HNF1B: variants seen among roughly 807,000 people sequenced by gnomAD.
HNF1B encodes HNF1 homeobox B.
HNF1B carries 8 observed loss-of-function variants against 61.7 expected under a neutral mutation model. The ratio of observed to expected loss-of-function variants is 0.13; its 90% CI spans 0.08 to 0.23. HNF1B has a LOEUF of 0.23. HNF1B is among the 10% of genes least tolerant of loss of function. HNF1B has a pLI of 1.00. For synonymous variants in HNF1B, 314 were observed against 287.7 expected, an observed-to-expected ratio of 1.09 and a Z score of -0.93; for missense variants, 562 against 714.5, an observed-to-expected ratio of 0.79 and a Z score of 2.43.
At chr17:37,724,354 T>C (rs998688422) in intron 4 of HNF1B, among the ~76,000 whole-genome samples, 2 of 152,152 alleles carry the variant, frequency 1.3e-5, no homozygotes, top group East Asian at 1.9e-4. Flanking sequence ...ACTACTGATA[T>C]GTAGTCCCAC....
chr17:37,695,403 G>A (rs1407665863), intron 8 of HNF1B, among the ~76,000 whole-genome samples: 1 of 152,272 alleles, frequency 6.6e-6, no homozygotes, highest in African/African-American at 2.4e-5. Context: ...GAAGCTTGCT[G>A]CAGGGGCAGA....
rs1384611067 is a variant in HNF1B at position 37,744,670 on chromosome 17, C to T, written c.215G>A (p.Gly72Asp). 1.2e-6 allele frequency: 2 copies of T among 1,613,408 alleles called. No homozygotes were observed. Among genetic ancestry groups the T allele is most frequent in the East Asian group, 4.5e-5 (2 of 44,882 alleles). ...FHTLTNGHAKGRLSGDEGSED... is the reference protein window; with the variant it reads ...FHTLTNGHAKDRLSGDEGSED... ...GGAGCCCTCGTCGCCGGACAAGCGG[C>T]CCTTGGCGTGGCCGTTGGTGAGAGT... is the stretch of plus-strand genomic sequence containing the variant. The change falls in exon 1 of 9, where the codon GGC (glycine) becomes GAC (aspartate). Residue 72 changes from glycine (G) to aspartate (D), a missense_variant. Transcript: ENST00000617811.
At chr17:37,723,332 G>A (rs538499167) in intron 4 of HNF1B, among the ~76,000 whole-genome samples, 5 of 151,706 alleles carry the variant, frequency 3.3e-5, no homozygotes, top group Non-Finnish European at 7.4e-5. Context: ...GGGAGATAGC[G>A]AGACTCTGTC....
chr17:37,722,976 TG>T (rs1216630411), intron 4 of HNF1B, among the ~76,000 whole-genome samples: 1 of 152,048 alleles, frequency 6.6e-6, no homozygotes, highest in Admixed American at 6.5e-5. Context: ...CCCCTCTACC[TG>T]GCAGGTTCCC....
At chr17:37,743,973 G>C (rs1263892808) in intron 1 of HNF1B, among the ~76,000 whole-genome samples, 1 of 152,218 alleles carries the variant, frequency 6.6e-6, no homozygotes, top group Admixed American at 6.5e-5. Context: ...GGATAATTCC[G>C]GGCCTTGCAT....
chr17:37,689,334 T>C (rs1042350506), intron 8 of HNF1B, among the ~76,000 whole-genome samples: 3 of 151,978 alleles, frequency 2.0e-5, no homozygotes, highest in Non-Finnish European at 2.9e-5. Context: ...CTTTTTCCAA[T>C]TTTCAGATTT....
chr17:37,735,692 C>G (rs1380449878), intron 2 of HNF1B, among the ~76,000 whole-genome samples: 1 of 152,186 alleles, frequency 6.6e-6, no homozygotes, highest in East Asian at 1.9e-4. Context: ...GGGACACTAA[C>G]TAGTCTTTTA....
At chr17:37,715,248 T>C (rs188458906) in intron 4 of HNF1B, among the ~76,000 whole-genome samples, 254 of 152,250 alleles carry the variant, frequency 1.7e-3, no homozygotes, top group Non-Finnish European at 3.1e-3. Context: ...AAGAAAGAGA[T>C]GAGTCTTTAC....
intron 1 of HNF1B, among the ~76,000 whole-genome samples, chr17:37,741,014 G>T (rs1206399437): frequency 6.6e-6 from 1 of 152,102 alleles, no homozygotes; most frequent in Non-Finnish European, 1.5e-5. Context: ...TTTATTTAAT[G>T]CAGGTACATA....
intron 4 of HNF1B, among the ~76,000 whole-genome samples, chr17:37,724,122 T>TCAAAAGTGTGTCC (rs1459735017): frequency 1.3e-5 from 2 of 152,162 alleles, no homozygotes; most frequent in Non-Finnish European, 2.9e-5. Flanking sequence ...ACTCCAGTAC[T>TCAAAAGTGTGTCC]CAAAAGTGTG....
At position 37,744,836 on chromosome 17, in the gene HNF1B, G is replaced by A. The variant is rs1405530934; in HGVS notation, c.49C>T (p.Leu17=). 6.2e-7 allele frequency: 1 copy of A among 1,613,100 alleles called. No individual in the cohort carries two copies. The highest frequency in any genetic ancestry group is 8.5e-7 in the Non-Finnish European group (1 of 1,179,980). ...SLQQELLSAL[L]SSGVTKEVLV... The stretch of plus-strand genomic sequence containing the variant: ...ACCTCCTTGGTGACCCCGGAGCTCA[G>A]CAGGGCGCTCAGGAGTTCTTGCTGG... The change falls in exon 1 of 9, where the codon CTG becomes TTG. Residue 17 remains leucine, a synonymous_variant. Coordinates refer to ENST00000617811, the MANE Select transcript of HNF1B (RefSeq NM_000458.4).
intron 5 of HNF1B, 27 bp from the exon 6 acceptor site, chr17:37,705,076 A>G (rs1365420732): frequency 5.6e-6 from 9 of 1,606,124 alleles, no homozygotes; most frequent in South Asian, 1.1e-5. Flanking sequence ...AACAAGAGAA[A>G]CATGGGTGGA....
intron 4 of HNF1B, among the ~76,000 whole-genome samples, chr17:37,722,282 T>A (rs1465290186): frequency 6.6e-6 from 1 of 152,208 alleles, no homozygotes; most frequent in Non-Finnish European, 1.5e-5. Context: ...TCTGAGTCAA[T>A]TCAATAATAC....
At chr17:37,734,131 A>T (rs1460184144) in intron 2 of HNF1B, among the ~76,000 whole-genome samples, 1 of 152,142 alleles carries the variant, frequency 6.6e-6, no homozygotes, top group Non-Finnish European at 1.5e-5. Context: ...ATGAAGCAAC[A>T]CTCTGCATCC....
At chr17:37,713,396 G>C (rs537731165) in intron 4 of HNF1B, among the ~76,000 whole-genome samples, 2 of 152,264 alleles carry the variant, frequency 1.3e-5, no homozygotes, top group Admixed American at 6.5e-5. Flanking sequence ...GAAACAAAAG[G>C]CTTCTTTACA....
chr17:37,713,543 C>T (rs961245300), intron 4 of HNF1B, among the ~76,000 whole-genome samples: 1 of 152,178 alleles, frequency 6.6e-6, no homozygotes, highest in Non-Finnish European at 1.5e-5. Context: ...TGGAGCTGCT[C>T]TGTCAAAAGA....
chr17:37,741,513 AAAT>A (rs768328383), intron 1 of HNF1B, among the ~76,000 whole-genome samples: 2 of 152,240 alleles, frequency 1.3e-5, no homozygotes, highest in Non-Finnish European at 2.9e-5. Context: ...ATTAAGAGGA[AAAT>A]AATGTAATAA....
At chr17:37,725,827 G>A (rs2033476867) in intron 4 of HNF1B, among the ~76,000 whole-genome samples, 1 of 152,252 alleles carries the variant, frequency 6.6e-6, no homozygotes, top group African/African-American at 2.4e-5. Context: ...GTGAGCTGAG[G>A]TGCTTGCACT....
chr17:37,714,672 A>G (rs2033045809), intron 4 of HNF1B, among the ~76,000 whole-genome samples: 1 of 152,184 alleles, frequency 6.6e-6, no homozygotes. Flanking sequence ...CATCAGCATC[A>G]TGGGTGTTGG....
Sources: allele counts gnomAD v4.1 joint callset (sites outside exome capture counted in the v4.1 genomes callset), GRCh38; gene constraint gnomAD v4.1.1; transcripts MANE v1.5; gene names NCBI Gene and HGNC (gene_info 2026-07-23, HGNC 2026-07-21).